Variants in TBX3 observed in about 807,000 individuals in gnomAD.
TBX3 encodes the protein T-box transcription factor TBX3.
A neutral mutation model predicts 47.8 loss-of-function variants in TBX3; 11 were observed. The observed-to-expected ratio is 0.23, with a 90% CI of 0.14 to 0.38. The LOEUF is 0.38. TBX3 is among the 10% of genes least tolerant of loss of function. The pLI is 1.00. For missense variants in TBX3, 927 were observed against 1,022.8 expected, an observed-to-expected ratio of 0.91 and a Z score of 1.28; for synonymous variants, 500 against 449.3, an observed-to-expected ratio of 1.11 and a Z score of -1.43.
At chr12:114,675,670 G>A (rs983495685) in intron 5 of TBX3, among the ~76,000 whole-genome samples, 6 of 103,384 alleles carry the variant, frequency 5.8e-5, no homozygotes, top group African/African-American at 2.3e-4. Context: ...GTGTGTGTGT[G>A]TGTGTCTTTC....
In TBX3 at chr12:114,674,318, C is replaced by A. The variant is rs866191482; in HGVS notation, c.1557G>T (p.Met519Ile). ...CAGAAACCGTGGCCAGGAGGGGACC[C>A]ATGCCAGCGGCCGCCATGCTGGAGA... is the stretch of plus-strand genomic sequence containing the variant. ...GAFSSMAAAG[M>I]GPLLATVSGA... The change falls in exon 6 of 7, where the codon ATG (methionine) becomes ATT (isoleucine). Residue 519 changes from methionine to isoleucine, a missense_variant. Physicochemically the swap from Met to Ile is conservative, Grantham distance 10. This residue lies in a region of TBX3 where 623 missense variants were observed against 569.0 expected (regional missense o/e 1.09). Transcript: ENST00000349155. 6.4e-7 allele frequency: 1 copy of A among 1,573,650 alleles called. No individual in the cohort carries two copies. The highest frequency in any genetic ancestry group is 8.6e-7 in the Non-Finnish European group (1 of 1,159,722).
intron 6 of TBX3, 48 bp from the exon 7 acceptor site, chr12:114,672,350 C>A: frequency 1.4e-6 from 2 of 1,423,938 alleles, no homozygotes; most frequent in Non-Finnish European, 1.9e-6. Context: ...GTGGGAGGAG[C>A]TTATCTCATC....
rs578250075 is a variant in TBX3, at chr12:114,671,930, C to CT, written c.2082dup (p.Glu695ArgfsTer15). On this transcript the variant is annotated frameshift_variant, in exon 7 of 7. Transcript: ENST00000349155. LOFTEE classifies it high-confidence loss of function. Reference sequence around the variant, plus strand: ...CTCTGCAGTTCGCTGGTGGCCGCCTCTTTCTCCGCGCAGAGTTTGGGCGAC... The same window carrying CT: ...CTCTGCAGTTCGCTGGTGGCCGCCTCTTTTCTCCGCGCAGAGTTTGGGCGAC... 1 of 1,590,790 alleles carries CT rather than the reference C, an allele frequency of 6.3e-7. No homozygotes were observed. The highest frequency in any genetic ancestry group is 1.1e-5 in the South Asian group (1 of 87,274).
rs755311630 is a variant in TBX3 at position 114,674,703 on chromosome 12, G to C, written c.1172C>G (p.Ala391Gly). The C allele has an allele frequency of 1.6e-5, 26 of 1,605,074 alleles. No homozygotes were observed. Among genetic ancestry groups the C allele is most frequent in the Non-Finnish European group, 2.2e-5 (26 of 1,178,570 alleles). The stretch of plus-strand genomic sequence containing the variant: ...AGCAGCGAAAAGGTGAGCCTTGACC[G>C]CGGGGCTGCCCTTGTCACGGCAGGG... Reference protein sequence around the residue: ...EEPCRDKGSPAVKAHLFAAER... With the variant: ...EEPCRDKGSPGVKAHLFAAER... Residue 391 changes from alanine (A) to glycine (G), a missense_variant, in exon 6 of 7, where the codon GCG (alanine) becomes GGG (glycine). Coordinates refer to ENST00000349155, the MANE Select transcript of TBX3 (RefSeq NM_005996.4).
rs762652334 is a variant in TBX3, at chr12:114,674,830, A to G, written c.1045T>C (p.Cys349Arg). Residue 349 changes from cysteine (C) to arginine (R), a missense_variant, in exon 6 of 7, where the codon TGT (cysteine) becomes CGT (arginine). Cys to Arg is a radical substitution (Grantham distance 180). Transcript: ENST00000349155. Reference sequence around the variant, plus strand: ...GCGTCGCTCTCACCCTCGCTGGGACATAAATCTACCACAGGCGAAGGAAAA... The same window carrying G: ...GCGTCGCTCTCACCCTCGCTGGGACGTAAATCTACCACAGGCGAAGGAAAA... ...TVGTSNLKDL[C>R]PSEGESDAEA... The G allele has an allele frequency of 5.7e-6, 9 of 1,570,004 alleles. No homozygotes were observed. Among genetic ancestry groups the G allele is most frequent in the Non-Finnish European group, 6.9e-6 (8 of 1,164,248 alleles).
At chr12:114,676,594 T>G (rs2121389487) in intron 4 of TBX3, 124 bp from the exon 5 acceptor site, 1 of 1,304,540 alleles carries the variant, frequency 7.7e-7, no homozygotes, top group East Asian at 2.4e-5. Context: ...GGGACAACGC[T>G]AATTCACTGA....
intron 2 of TBX3, 44 bp downstream of exon 2, chr12:114,680,835 G>A (rs1418629965): frequency 1.2e-6 from 2 of 1,613,654 alleles, no homozygotes; most frequent in East Asian, 4.5e-5. Flanking sequence ...CTTTGACTGA[G>A]TGAAGGAGGA....
At position 114,683,307 on chromosome 12, in the gene TBX3, GA is replaced by G. The variant is rs1397892851; in HGVS notation, c.-108del. 21 of 1,454,306 alleles carry G rather than the reference GA, an allele frequency of 1.4e-5. No homozygotes were observed. The highest frequency in any genetic ancestry group is 2.3e-5 in the East Asian group (1 of 42,828). 90.1% of individuals were successfully genotyped at this position (1,454,306 alleles called of 1,614,324 possible). A position where few individuals can be genotyped will look rare whatever the true frequency, so the allele number is the denominator to read the frequency against. On this transcript the variant is annotated 5_prime_UTR_variant, in exon 1 of 7. Coordinates refer to ENST00000349155, the MANE Select transcript of TBX3 (RefSeq NM_005996.4). This position sits in a 1 kb window ranked among gnomAD's most constrained non-coding sequence, Gnocchi z 7.7. ...CAGCAGCACATAATTCAAAAGGGGG[GA>G]AAAAGCAAAACAAAAAAGAAAGAAA...
chr12:114,673,272 C>T (rs546151091), intron 6 of TBX3, among the ~76,000 whole-genome samples: 2 of 152,296 alleles, frequency 1.3e-5, no homozygotes, highest in Admixed American at 6.5e-5. Context: ...GGTTTCTTGG[C>T]GCAGGGAAGG....
Position 114,672,049 on chromosome 12 carries a change from G to T in TBX3, c.1964C>A (p.Ala655Asp). ...CGAGGCCGGGCTGGCGGCCAGGGCG[G>T]CGACTTTGCCGTCCAGGGGCCCCGC... is the stretch of plus-strand genomic sequence containing the variant. ...AAAGPLDGKVAALAASPASVA... is the reference protein window; with the variant it reads ...AAAGPLDGKVDALAASPASVA... The change falls in exon 7 of 7, where the codon GCC (alanine) becomes GAC (aspartate). Residue 655 changes from alanine (A) to aspartate (D), a missense_variant. Physicochemically the swap from Ala to Asp is moderately radical, Grantham distance 126. Around this residue, in one of 5 missense-constraint regions of TBX3, gnomAD observed 623 missense variants for 569.0 expected, o/e 1.09. Coordinates refer to ENST00000349155, the MANE Select transcript of TBX3 (RefSeq NM_005996.4). The T allele has an allele frequency of 6.3e-7, 1 of 1,577,750 alleles. No individual in the cohort carries two copies. Among genetic ancestry groups the T allele is most frequent in the Non-Finnish European group, 8.6e-7 (1 of 1,162,376 alleles).
At chr12:114,679,401 G>A in intron 3 of TBX3, 104 bp downstream of exon 3, 1 of 1,506,208 alleles carries the variant, frequency 6.6e-7, no homozygotes, top group Non-Finnish European at 9.2e-7. Context: ...GACAACTCAA[G>A]ACTCTCGTCT....
intron 6 of TBX3, among the ~76,000 whole-genome samples, chr12:114,673,500 T>C (rs942636386): frequency 3.3e-5 from 5 of 152,114 alleles, no homozygotes; most frequent in South Asian, 2.1e-4. Flanking sequence ...CTTCGAGGAA[T>C]AGGCTGGCCT....
chr12:114,671,463 G>C lies in TBX3; in HGVS notation c.*378C>G. The C allele has an allele frequency of 3.2e-6, 1 of 313,208 alleles. No homozygotes were observed. Among genetic ancestry groups the C allele is most frequent in the Non-Finnish European group, 5.9e-6 (1 of 168,902 alleles). The allele number at this position is 313,208 out of a possible 1,614,324, so 19.4% of individuals were successfully genotyped here. Reference sequence around the variant, plus strand: ...TTTGTTTTTGTTTCCACTTGACACAGTGAAGGAAAAATATATATATAAATC... The same window carrying C: ...TTTGTTTTTGTTTCCACTTGACACACTGAAGGAAAAATATATATATAAATC... On this transcript the variant is annotated 3_prime_UTR_variant, in exon 7 of 7. Coordinates refer to ENST00000349155, the MANE Select transcript of TBX3 (RefSeq NM_005996.4).
chr12:114,672,219 TGCCGCAGAGGAGGCG>T lies in TBX3; in HGVS notation c.1779_1793del (p.Ala597_Ser601del). 1 of 1,573,830 alleles carries T rather than the reference TGCCGCAGAGGAGGCG, an allele frequency of 6.4e-7. No homozygotes were observed. On this transcript the variant is annotated inframe_deletion, in exon 7 of 7. Coordinates refer to ENST00000349155, the MANE Select transcript of TBX3 (RefSeq NM_005996.4). ...GGTGGCGGTGCACCGAGCTGGAGGC[TGCCGCAGAGGAGGCG>T]GCCGCCGCTGCGGCCATGTACGTGT... is the stretch of plus-strand genomic sequence containing the variant.
At chr12:114,682,711 CCAAG>C (rs1417065219) in intron 1 of TBX3, 97 bp downstream of exon 1, 4 of 1,580,568 alleles carry the variant, frequency 2.5e-6, no homozygotes, top group Non-Finnish European at 3.5e-6. Context: ...AACTTTTCGT[CCAAG>C]CCGTAATAAC....
chr12:114,680,581 G>A, intron 2 of TBX3: 1 of 507,194 alleles, frequency 2.0e-6, no homozygotes. Context: ...CCTTGAAATT[G>A]ATTTTAGCTC....
Position 114,684,116 on chromosome 12 carries a change from G to A in TBX3, c.-916C>T, listed in dbSNP as rs532434879. 4 of 232,532 alleles carry A rather than the reference G, an allele frequency of 1.7e-5. No individual in the cohort carries two copies. In the East Asian group the frequency reaches 2.4e-4, roughly 14 times the overall value. The allele number at this position is 232,532 out of a possible 1,614,324, so 14.4% of individuals were successfully genotyped here. A position where few individuals can be genotyped will look rare whatever the true frequency, so the allele number is the denominator to read the frequency against. The stretch of plus-strand genomic sequence containing the variant: ...AGAGACGGAGTCGGAGAGGGAGGGA[G>A]CGAGAGAAAGCGAGAGCTCCTCGCC... On this transcript the variant is annotated 5_prime_UTR_variant, in exon 1 of 7. Transcript: ENST00000349155.
Position 114,672,138 on chromosome 12 carries a change from G to C in TBX3, c.1875C>G (p.Ile625Met), listed in dbSNP as rs1260105802. The part of the protein sequence containing the change: ...RPRLRYSPYS[I>M]PVPVPDGSSL... ...TGCTGCCGTCCGGGACCGGCACCGG[G>C]ATGGAGTAGGGGCTGTAGCGCAGCC... The change falls in exon 7 of 7, where the codon ATC (isoleucine) becomes ATG (methionine). Residue 625 changes from isoleucine (I) to methionine (M), a missense_variant. Ile to Met is a conservative substitution (Grantham distance 10). Around this residue, in one of 5 missense-constraint regions of TBX3, gnomAD observed 623 missense variants for 569.0 expected, o/e 1.09. Coordinates refer to ENST00000349155, the MANE Select transcript of TBX3 (RefSeq NM_005996.4). The C allele has an allele frequency of 6.4e-6, 10 of 1,572,628 alleles. No homozygotes were observed. The highest frequency in any genetic ancestry group is 7.8e-6 in the Non-Finnish European group (9 of 1,159,284).
At chr12:114,681,662 G>A (rs988670746) in intron 1 of TBX3, among the ~76,000 whole-genome samples, 5 of 152,188 alleles carry the variant, frequency 3.3e-5, no homozygotes, top group African/African-American at 9.7e-5. Context: ...CGCTGTGGGC[G>A]AAGTGAAACT....
Sources: allele counts gnomAD v4.1 joint callset (sites outside exome capture counted in the v4.1 genomes callset), GRCh38; gene constraint gnomAD v4.1.1; regional missense constraint gnomAD v4.1.1; non-coding constraint Gnocchi (gnomAD v3.1); transcripts MANE v1.5; gene names NCBI Gene and HGNC (gene_info 2026-07-23, HGNC 2026-07-21).